IL17RB: variants seen among roughly 807,000 people sequenced by gnomAD.
The protein encoded by IL17RB is interleukin-17 receptor B.
A neutral mutation model predicts 43.9 loss-of-function variants in IL17RB; 36 were observed. The ratio of observed to expected loss-of-function variants is 0.82; its 90% confidence interval spans 0.63 to 1.08. The LOEUF (loss-of-function observed/expected upper bound fraction) is 1.08. Ranked by LOEUF, IL17RB falls within the 50% of genes least tolerant of loss-of-function variation. IL17RB has a pLI of 0.00. For synonymous variants in IL17RB, 225 were observed against 225.4 expected, an observed-to-expected ratio of 1.00 and a Z score of 0.02; for missense variants, 613 against 613.6, an observed-to-expected ratio of 1.00 and a Z score of 0.01.
At chr3:53,848,892 A>G (rs1320710743) in intron 2 of IL17RB, among the ~76,000 whole-genome samples, 1 of 152,222 alleles carries the variant, frequency 6.6e-6, no homozygotes, top group African/African-American at 2.4e-5. Context: ...CAGACAGGCT[A>G]GCCTCTTGGC....
At position 53,865,047 on chromosome 3, in the gene IL17RB, T is replaced by G. The variant is rs766565095; in HGVS notation, c.1248T>G (p.Ser416Arg). ...GTGGCAAGAGCGAGGGCAGTCCCAGTGAGAACTCTCAAGACCTCTTCCCCC... is the reference window on the plus strand; with the variant it reads ...GTGGCAAGAGCGAGGGCAGTCCCAGGGAGAACTCTCAAGACCTCTTCCCCC... ...GTCGKSEGSP[S>R]ENSQDLFPLA... Residue 416 changes from serine to arginine, a missense_variant, in exon 11 of 11, where the codon AGT becomes AGG. Physicochemically the swap from Ser to Arg is moderately radical, Grantham distance 110. Coordinates refer to ENST00000288167, the MANE Select transcript of IL17RB (RefSeq NM_018725.4). 4.3e-6 allele frequency: 7 copies of G among 1,614,192 alleles called. No individual in the cohort carries two copies. In the East Asian group the frequency reaches 1.3e-4, roughly 31 times the overall value.
Position 53,856,841 on chromosome 3 carries a change from C to T in IL17RB, c.530-3C>T. ...ATCTACATGGTTCTCTCTCAACTCA[C>T]AGGAAGCCTGTGGGATCCGAACATC... On this transcript the variant is annotated splice_region_variant and splice_polypyrimidine_tract_variant and intron_variant, in intron 6 of 10. Coordinates refer to ENST00000288167, the MANE Select transcript of IL17RB (RefSeq NM_018725.4). 1.9e-6 allele frequency: 3 copies of T among 1,614,080 alleles called. No individual in the cohort carries two copies. The highest frequency in any genetic ancestry group is 4.5e-5 in the East Asian group (2 of 44,882).
chr3:53,857,786 A>C, intron 8 of IL17RB, 96 bp downstream of exon 8: 1 of 1,116,586 alleles, frequency 9.0e-7, no homozygotes, highest in Non-Finnish European at 1.4e-6. Context: ...TGTCAAATGC[A>C]CTTCTGCCAG....
intron 10 of IL17RB, chr3:53,861,721 G>T (rs1699571007): frequency 6.6e-6 from 1 of 152,188 alleles, no homozygotes; most frequent in Admixed American, 6.5e-5. Context: ...GATAACAGGA[G>T]AAGCAGCTTC....
In IL17RB at chr3:53,846,617, C is replaced by T; in HGVS notation, c.29C>T (p.Ala10Val). Residue 10 changes from alanine (A) to valine (V), a missense_variant, in exon 1 of 11, where the codon GCG becomes GTG. Ala to Val is a moderately conservative substitution (Grantham distance 64, BLOSUM62 0). Transcript: ENST00000288167. ...TCGCTCGTGCTGCTAAGCCTGGCCG[C>T]GCTGTGCAGGAGCGCCGTACCCCGA... MSLVLLSLA[A>V]LCRSAVPREP... 1 of 1,592,620 alleles carries T rather than the reference C, an allele frequency of 6.3e-7. No individual in the cohort carries two copies. Among genetic ancestry groups the T allele is most frequent in the Non-Finnish European group, 8.5e-7 (1 of 1,172,984 alleles).
intron 8 of IL17RB, chr3:53,858,066 G>A: frequency 4.4e-6 from 1 of 228,182 alleles, no homozygotes; most frequent in Non-Finnish European, 8.9e-6. Flanking sequence ...ACTCTGGAGA[G>A]GGGCTGCCAG....
At position 53,865,481 on chromosome 3, in the gene IL17RB, G is replaced by A. The variant is rs1576855184; in HGVS notation, c.*173G>A. The A allele has an allele frequency of 3.7e-6, 2 of 538,586 alleles. No homozygotes were observed. The highest frequency in any genetic ancestry group is 5.8e-5 in the East Asian group (2 of 34,246). 33.4% of individuals were successfully genotyped at this position (538,586 alleles called of 1,614,324 possible). On this transcript the variant is annotated 3_prime_UTR_variant, in exon 11 of 11. Coordinates refer to ENST00000288167, the MANE Select transcript of IL17RB (RefSeq NM_018725.4). ...GCTAACTAATGTAGCATTAACTAAC[G>A]ATTGGAAACTACATTTACAACTTCA...
At chr3:53,854,559 A>C (rs1474642574) in intron 5 of IL17RB, among the ~76,000 whole-genome samples, 1 of 152,228 alleles carries the variant, frequency 6.6e-6, no homozygotes, top group Non-Finnish European at 1.5e-5. Flanking sequence ...ATGATTAGAC[A>C]GGGAATTCAT....
Position 53,848,679 on chromosome 3 carries a change from T to C in IL17RB, c.76T>C (p.Ser26Pro). Reference protein sequence around the residue: ...VPREPTVQCGSETGPSPEWML... With the variant: ...VPREPTVQCGPETGPSPEWML... ...TCTCCCACAGACCGTTCAATGTGGC[T>C]CTGAAACTGGTAGGTGCATTAGAGA... The change falls in exon 2 of 11, where the codon TCT (serine) becomes CCT (proline). Residue 26 changes from serine to proline, a missense_variant. Transcript: ENST00000288167. 1.2e-6 allele frequency: 2 copies of C among 1,614,132 alleles called. No individual in the cohort carries two copies. Among genetic ancestry groups the C allele is most frequent in the Non-Finnish European group, 1.7e-6 (2 of 1,179,960 alleles).
At chr3:53,858,624 C>T (rs924097871) in intron 8 of IL17RB, 95 bp from the exon 9 acceptor site, 134 of 1,530,246 alleles carry the variant, frequency 8.8e-5, no homozygotes, top group Middle Eastern at 5.1e-4. Context: ...TGGGCGAAGC[C>T]AGAAAGAAGG....
chr3:53,855,789 C>T (rs1272052761), intron 6 of IL17RB, among the ~76,000 whole-genome samples: 3 of 152,146 alleles, frequency 2.0e-5, no homozygotes, highest in South Asian at 2.1e-4. Context: ...AGTGTGAGTT[C>T]GCTAAAGGAC....
At chr3:53,850,045 C>A (rs905405639) in intron 3 of IL17RB, among the ~76,000 whole-genome samples, 1 of 152,224 alleles carries the variant, frequency 6.6e-6, no homozygotes, top group Non-Finnish European at 1.5e-5. Context: ...AATGAATGAT[C>A]TGTAACTACG....
intron 5 of IL17RB, among the ~76,000 whole-genome samples, chr3:53,854,433 T>C (rs1699262741): frequency 1.3e-5 from 2 of 152,246 alleles, no homozygotes; most frequent in Non-Finnish European, 2.9e-5. Context: ...TGTGTGTCTC[T>C]CCTCTGGTCT....
In IL17RB at chr3:53,865,084, C is replaced by G; in HGVS notation, c.1285C>G (p.Leu429Val). The G allele has an allele frequency of 6.2e-7, 1 of 1,614,102 alleles. No individual in the cohort carries two copies. Residue 429 changes from leucine to valine, a missense_variant, in exon 11 of 11, where the codon CTT becomes GTT. Leu to Val is a conservative substitution (Grantham distance 32, BLOSUM62 1). Transcript: ENST00000288167. ...SQDLFPLAFN[L>V]FCSDLRSQIH... ...AGACCTCTTCCCCCTTGCCTTTAACCTTTTCTGCAGTGATCTAAGAAGCCA... is the reference window on the plus strand; with the variant it reads ...AGACCTCTTCCCCCTTGCCTTTAACGTTTTCTGCAGTGATCTAAGAAGCCA...
At position 53,852,931 on chromosome 3, in the gene IL17RB, C is replaced by T. The variant is rs182410201; in HGVS notation, c.415C>T (p.His139Tyr). 2.5e-6 allele frequency: 4 copies of T among 1,612,964 alleles called. No individual in the cohort carries two copies. The highest frequency in any genetic ancestry group is 1.1e-5 in the South Asian group (1 of 91,052). ...GAACACAGTCTATTTCATTGGGGCC[C>T]ATAATATTCCTAATGCAAATATGAA... ...ELNTVYFIGA[H>Y]NIPNANMNED... The change falls in exon 5 of 11, where the codon CAT becomes TAT. Residue 139 changes from histidine to tyrosine, a missense_variant. By Grantham distance (83) the His-to-Tyr change is moderately conservative. Transcript: ENST00000288167.
intron 5 of IL17RB, among the ~76,000 whole-genome samples, chr3:53,854,358 C>T (rs901825705): frequency 6.6e-5 from 10 of 152,248 alleles, no homozygotes; most frequent in Admixed American, 2.6e-4. Flanking sequence ...AAACTCCAGA[C>T]TTTATTTGGA....
rs1426454421 is a variant in IL17RB at position 53,847,623 on chromosome 3, G to A, written c.60+975G>A. Among the ~76,000 whole-genome samples the A allele has an allele frequency of 4.0e-5, 6 of 151,858 alleles. No homozygotes were observed. In the South Asian group the frequency reaches 8.3e-4, roughly 21 times the overall value. ...AGCCTGGCTAACATGGTGAAACCCC[G>A]TCTCTACTAAAAATACAAAAAGTAG... is the stretch of plus-strand genomic sequence containing the variant. On this transcript the variant is annotated intron_variant, in intron 1 of 10. Coordinates refer to ENST00000288167, the MANE Select transcript of IL17RB (RefSeq NM_018725.4).
At chr3:53,854,751 G>A (rs1354732290) in intron 5 of IL17RB, among the ~76,000 whole-genome samples, 5 of 152,178 alleles carry the variant, frequency 3.3e-5, no homozygotes, top group African/African-American at 1.2e-4. Flanking sequence ...CCCACCCTGG[G>A]GTGAGGATAG....
chr3:53,864,466 C>T (rs528952282), intron 10 of IL17RB, among the ~76,000 whole-genome samples: 10 of 151,802 alleles, frequency 6.6e-5, no homozygotes, highest in East Asian at 5.8e-4. Flanking sequence ...ACCCAGGAGG[C>T]GGAGGTTGTA....
Sources: gnomAD v4.1 joint callset for allele counts (sites outside exome capture counted in the v4.1 genomes callset) on GRCh38, gnomAD v4.1.1 for gene constraint, MANE v1.5 for transcripts, NCBI Gene and HGNC (gene_info 2026-07-23, HGNC 2026-07-21) for gene names.